The following ARHGAP10 variants were observed in gnomAD, a reference collection of about 807,000 sequenced individuals.
ARHGAP10 encodes the protein rho GTPase-activating protein 10.
ARHGAP10 carries 87 observed loss-of-function variants against 108.6 expected under a neutral mutation model. The ratio of observed to expected loss-of-function variants is 0.80; its 90% CI spans 0.67 to 0.96. ARHGAP10 has a LOEUF of 0.96. Among genes scored for constraint, ARHGAP10 ranks in the 40% least tolerant of loss-of-function variants. ARHGAP10 has a pLI of 0.00. For missense variants in ARHGAP10, 939 were observed against 954.5 expected, an observed-to-expected ratio of 0.98 and a Z score of 0.21; for synonymous variants, 347 against 341.1, an observed-to-expected ratio of 1.02 and a Z score of -0.19.
At chr4:147,863,129 C>T (rs939932771) in intron 5 of ARHGAP10, 1 of 152,126 alleles carries the variant, frequency 6.6e-6, no homozygotes, top group South Asian at 2.1e-4. Flanking sequence ...ATTTTAAAGT[C>T]TATGGCCCAG....
intron 13 of ARHGAP10, among the ~76,000 whole-genome samples, chr4:147,916,022 T>A (rs1423450343): frequency 6.6e-6 from 1 of 152,176 alleles, no homozygotes; most frequent in Non-Finnish European, 1.5e-5. Flanking sequence ...GGCGGGAGGA[T>A]CACTGGATCC....
chr4:147,991,086 C>G (rs80116261), intron 18 of ARHGAP10, among the ~76,000 whole-genome samples: 10 of 150,728 alleles, frequency 6.6e-5, no homozygotes, highest in African/African-American at 2.5e-4. Context: ...ACCTTTACAC[C>G]AAACCCCCGT....
At chr4:148,004,527 C>T (rs946780686) in intron 18 of ARHGAP10, among the ~76,000 whole-genome samples, 2 of 152,084 alleles carry the variant, frequency 1.3e-5, no homozygotes, top group African/African-American at 4.8e-5. Context: ...TTGTCTTAGA[C>T]CAGAGAGAGA....
At position 147,785,912 on chromosome 4, in the gene ARHGAP10, C is replaced by T. The variant is rs117298690; in HGVS notation, c.155-36815C>T. 7.0e-4 allele frequency among the ~76,000 whole-genome samples: 106 copies of T among 152,224 alleles called. 1 individual carries two copies. In the East Asian group the frequency reaches 0.02, roughly 29 times the overall value. ...ACCACTCCCTATTTTCATAATTTGT[C>T]ACCAAATACATTTTTCAAGTCTCTA... is the stretch of plus-strand genomic sequence containing the variant. On this transcript the variant is annotated intron_variant, in intron 1 of 22. Transcript: ENST00000336498.
At chr4:147,915,285 G>A (rs997178901) in intron 13 of ARHGAP10, among the ~76,000 whole-genome samples, 1 of 152,200 alleles carries the variant, frequency 6.6e-6, no homozygotes, top group African/African-American at 2.4e-5. Flanking sequence ...ATTTCAATCT[G>A]CACTGAAGCT....
At chr4:147,970,576 GT>G (rs139385847) in intron 18 of ARHGAP10, among the ~76,000 whole-genome samples, 2,551 of 152,190 alleles carry the variant, frequency 0.017, 140 homozygotes, top group East Asian at 0.13. Context: ...CCCTAAGAAT[GT>G]GAAAAATGTT....
At chr4:147,925,205 A>G (rs1255086548) in intron 13 of ARHGAP10, among the ~76,000 whole-genome samples, 1 of 152,208 alleles carries the variant, frequency 6.6e-6, no homozygotes, top group Non-Finnish European at 1.5e-5. Context: ...GCTTTTCCTC[A>G]GAAGCCAAAC....
intron 15 of ARHGAP10, among the ~76,000 whole-genome samples, chr4:147,950,204 TC>T (rs1238481397): frequency 6.6e-6 from 1 of 152,226 alleles, no homozygotes; most frequent in Non-Finnish European, 1.5e-5. Context: ...GCTGTTCTTT[TC>T]CCCTATGTTA....
rs1402060056 is a variant in ARHGAP10 at position 148,063,142 on chromosome 4, C to T, written c.2028-6C>T. On this transcript the variant is annotated splice_region_variant and splice_polypyrimidine_tract_variant and intron_variant, in intron 20 of 22. Coordinates refer to ENST00000336498, the MANE Select transcript of ARHGAP10 (RefSeq NM_024605.4). Reference sequence around the variant, plus strand: ...TTAATCCTGTCCTTCAAACTCCTACCCTTAGCCCAGGCCAGACCCGATCGT... The same window carrying T: ...TTAATCCTGTCCTTCAAACTCCTACTCTTAGCCCAGGCCAGACCCGATCGT... 2 of 1,613,958 alleles carry T rather than the reference C, an allele frequency of 1.2e-6. No homozygotes were observed. Among genetic ancestry groups the T allele is most frequent in the African/African-American group, 1.3e-5 (1 of 74,902 alleles).
At chr4:147,843,360 C>G (rs1021415177) in intron 3 of ARHGAP10, among the ~76,000 whole-genome samples, 2 of 152,170 alleles carry the variant, frequency 1.3e-5, no homozygotes, top group Non-Finnish European at 2.9e-5. Context: ...ACTGCCCCAC[C>G]TGGTCATTCT....
At chr4:147,769,158 A>G (rs934588264) in intron 1 of ARHGAP10, among the ~76,000 whole-genome samples, 3 of 152,216 alleles carry the variant, frequency 2.0e-5, no homozygotes, top group South Asian at 2.1e-4. Flanking sequence ...ATCTGTTTCA[A>G]TGATGAGACA....
At chr4:147,887,099 T>G (rs573288608) in intron 10 of ARHGAP10, among the ~76,000 whole-genome samples, 1 of 152,122 alleles carries the variant, frequency 6.6e-6, no homozygotes, top group Non-Finnish European at 1.5e-5. Context: ...CAGTTGAATA[T>G]TTTATATTTT....
intron 18 of ARHGAP10, among the ~76,000 whole-genome samples, chr4:147,989,614 A>C (rs1217822989): frequency 6.6e-6 from 1 of 152,238 alleles, no homozygotes; most frequent in Non-Finnish European, 1.5e-5. Flanking sequence ...GAAAGAAGAG[A>C]AATATGGCTC....
At chr4:147,898,619 G>C (rs946659042) in intron 10 of ARHGAP10, among the ~76,000 whole-genome samples, 19 of 152,108 alleles carry the variant, frequency 1.2e-4, no homozygotes, top group African/African-American at 4.6e-4. Context: ...CCTTATGTCA[G>C]AGCATTTGAT....
chr4:147,737,326 CTTTTTT>C (rs5862810), intron 1 of ARHGAP10, among the ~76,000 whole-genome samples: 1 of 133,054 alleles, frequency 7.5e-6, no homozygotes, highest in African/African-American at 2.8e-5. Flanking sequence ...AATTTTTGTA[CTTTTTT>C]TTTTTTTTTT....
intron 1 of ARHGAP10, among the ~76,000 whole-genome samples, chr4:147,735,726 C>T (rs761737746): frequency 6.6e-6 from 1 of 152,136 alleles, no homozygotes; most frequent in Non-Finnish European, 1.5e-5. Context: ...TGGGGAGGAA[C>T]TCCAGAGAGA....
At chr4:148,027,306 T>C (rs1362088040) in intron 19 of ARHGAP10, among the ~76,000 whole-genome samples, 1 of 152,240 alleles carries the variant, frequency 6.6e-6, no homozygotes, top group Non-Finnish European at 1.5e-5. Context: ...ATATGACTTA[T>C]AGTGAGTTGA....
Position 147,949,169 on chromosome 4 carries a change from A to AT in ARHGAP10, c.1391+2471dup, listed in dbSNP as rs1738500614. ...AAGATGTTTTCAGCCACTGTTCTAA[A>AT]TTTTTTCTGAAACTGTTATGTGCAC... On this transcript the variant is annotated intron_variant, in intron 15 of 22. Transcript: ENST00000336498. Among the ~76,000 whole-genome samples, 7 of 152,138 alleles carry AT rather than the reference A, an allele frequency of 4.6e-5. No individual in the cohort carries two copies. The South Asian group carries it at 1.5e-3, about 32-fold the overall frequency.
At chr4:147,992,571 A>G (rs368907424) in intron 18 of ARHGAP10, among the ~76,000 whole-genome samples, 2 of 151,538 alleles carry the variant, frequency 1.3e-5, no homozygotes, top group Non-Finnish European at 2.9e-5. Context: ...AACCCCAGCT[A>G]ATTTTTGTAT....
Sources: allele counts gnomAD v4.1 joint callset (sites outside exome capture counted in the v4.1 genomes callset), GRCh38; gene constraint gnomAD v4.1.1; transcripts MANE v1.5; gene names NCBI Gene and HGNC (gene_info 2026-07-23, HGNC 2026-07-21).